The following PDE8A variants were observed in gnomAD, a reference collection of about 807,000 sequenced individuals.
PDE8A encodes the protein high affinity cAMP-specific and IBMX-insensitive 3',5'-cyclic phosphodiesterase 8A.
Under a neutral mutation model 105.0 loss-of-function variants are expected in PDE8A, and 59 were observed. The observed-to-expected ratio is 0.56, with a 90% CI of 0.46 to 0.70. The LOEUF (loss-of-function observed/expected upper bound fraction) is 0.70, where lower values mean the gene tolerates loss of function less well. Ranked by LOEUF, PDE8A falls within the 30% of genes least tolerant of loss-of-function variation. The pLI, the probability that PDE8A is intolerant of heterozygous loss-of-function variation, is 0.00. For synonymous variants in PDE8A, 355 were observed against 371.9 expected (o/e 0.95, Z 0.52); for missense variants, 1,014 against 1,045.9 (o/e 0.97, Z 0.42).
upstream of PDE8A, among the ~76,000 whole-genome samples, chr15:84,981,597 C>T (rs1057226447): frequency 1.3e-5 from 2 of 152,010 alleles, no homozygotes; most frequent in African/African-American, 4.8e-5. Flanking sequence ...TGTACCCCAC[C>T]GGCACTCGGC....
intron 11 of PDE8A, among the ~76,000 whole-genome samples, chr15:85,104,369 C>T (rs1450293935): frequency 6.6e-6 from 1 of 152,098 alleles, no homozygotes; most frequent in African/African-American, 2.4e-5. Flanking sequence ...ATAAAGGCAT[C>T]GCGAAGCGAG....
At chr15:85,009,035 A>C (rs1166378913) in intron 1 of PDE8A, among the ~76,000 whole-genome samples, 1 of 151,748 alleles carries the variant, frequency 6.6e-6, no homozygotes, top group Non-Finnish European at 1.5e-5. Context: ...AAAAGAAGGA[A>C]GTGTCCTTCA....
At chr15:85,013,849 A>G (rs2080279501) in intron 1 of PDE8A, among the ~76,000 whole-genome samples, 1 of 152,128 alleles carries the variant, frequency 6.6e-6, no homozygotes, top group African/African-American at 2.4e-5. Context: ...CTTCACTCAT[A>G]TGATTGGCCA....
In PDE8A at chr15:85,136,610, C is replaced by A. The variant is rs772648246; in HGVS notation, c.2330C>A (p.Ser777Tyr). 1 of 1,613,858 alleles carries A rather than the reference C, an allele frequency of 6.2e-7. No homozygotes were observed. The highest frequency in any genetic ancestry group is 1.1e-5 in the South Asian group (1 of 91,072). The change falls in exon 21 of 22, where the codon TCC (serine) becomes TAC (tyrosine). Residue 777 changes from serine to tyrosine, a missense_variant. By Grantham distance (144) the Ser-to-Tyr change is moderately radical. Transcript: ENST00000394553. ...FDRNTCSIPKSQISFIDYFIT... is the reference protein window; with the variant it reads ...FDRNTCSIPKYQISFIDYFIT... ...AGAAATACCTGCAGCATCCCCAAAT[C>A]CCAAATCTCTTTCATTGATTACTTC...
At chr15:84,997,787 G>A (rs1424321146) in intron 1 of PDE8A, among the ~76,000 whole-genome samples, 2 of 152,008 alleles carry the variant, frequency 1.3e-5, no homozygotes, top group Admixed American at 6.6e-5. Context: ...TAGAGACGGG[G>A]TTTCTCCATG....
At chr15:85,056,251 T>A (rs937355401) in intron 1 of PDE8A, among the ~76,000 whole-genome samples, 8 of 152,208 alleles carry the variant, frequency 5.3e-5, no homozygotes, top group African/African-American at 1.9e-4. Context: ...ATTTTTTCCT[T>A]CATTTCAACT....
At chr15:85,077,816 A>G (rs923430262) in intron 5 of PDE8A, among the ~76,000 whole-genome samples, 1 of 152,216 alleles carries the variant, frequency 6.6e-6, no homozygotes, top group Admixed American at 6.5e-5. Flanking sequence ...GGCATAGCAA[A>G]TTTTATGAGG....
At chr15:85,074,440 G>A (rs1038599685) in intron 3 of PDE8A, among the ~76,000 whole-genome samples, 7 of 152,240 alleles carry the variant, frequency 4.6e-5, no homozygotes, top group African/African-American at 1.4e-4. Flanking sequence ...GCTGGCTCAC[G>A]CCTGTAATCC....
At chr15:85,054,667 T>C (rs2081031733) in intron 1 of PDE8A, among the ~76,000 whole-genome samples, 1 of 152,162 alleles carries the variant, frequency 6.6e-6, no homozygotes, top group Non-Finnish European at 1.5e-5. Flanking sequence ...TTATATTCCC[T>C]TCATCATTTT....
At chr15:85,102,707 C>T (rs1274751311) in intron 11 of PDE8A, among the ~76,000 whole-genome samples, 4 of 151,652 alleles carry the variant, frequency 2.6e-5, no homozygotes, top group Non-Finnish European at 4.4e-5. Flanking sequence ...GGCGTCGTGG[C>T]GCATGCCTGT....
intron 8 of PDE8A, among the ~76,000 whole-genome samples, chr15:85,095,152 T>G (rs999388544): frequency 2.6e-4 from 39 of 152,068 alleles, no homozygotes; most frequent in African/African-American, 9.4e-4. Flanking sequence ...GGTAATAGTC[T>G]TACTCCTGTT....
intron 3 of PDE8A, among the ~76,000 whole-genome samples, chr15:85,068,648 TG>T (rs112766139): frequency 0.088 from 13,437 of 152,132 alleles, 1,645 homozygotes; most frequent in African/African-American, 0.28. Context: ...CATGGTGGAA[TG>T]TTGCAAGGCA....
At position 85,138,041 on chromosome 15, in the gene PDE8A, A is replaced by T. The variant is rs2082440737; in HGVS notation, c.*138A>T. 1.7e-6 allele frequency: 1 copy of T among 586,474 alleles called. No homozygotes were observed. The allele number at this position is 586,474 out of a possible 1,614,324, so 36.3% of individuals were successfully genotyped here. On this transcript the variant is annotated 3_prime_UTR_variant, in exon 22 of 22. Transcript: ENST00000394553. ...GCATAGCCTGTGAAAGCCCACGGGGACATCAGTAACCTTCTGCAGCCACCA... is the reference window on the plus strand; with the variant it reads ...GCATAGCCTGTGAAAGCCCACGGGGTCATCAGTAACCTTCTGCAGCCACCA...
In PDE8A at chr15:85,067,164, C is replaced by T. The variant is rs899205004; in HGVS notation, c.394C>T (p.His132Tyr). The T allele has an allele frequency of 5.0e-6, 8 of 1,613,888 alleles. No individual in the cohort carries two copies. The highest frequency in any genetic ancestry group is 6.8e-6 in the Non-Finnish European group (8 of 1,179,910). Reference protein sequence around the residue: ...DKHHDIIIIDHRNPRQLDAEA... With the variant: ...DKHHDIIIIDYRNPRQLDAEA... Reference sequence around the variant, plus strand: ...ACATCATGACATTATCATCATAGACCACAGAAATCCTCGACAGCTGGATGC... The same window carrying T: ...ACATCATGACATTATCATCATAGACTACAGAAATCCTCGACAGCTGGATGC... The change falls in exon 3 of 22, where the codon CAC (histidine) becomes TAC (tyrosine). Residue 132 changes from histidine to tyrosine, a missense_variant. Physicochemically the swap from His to Tyr is moderately conservative, Grantham distance 83. Transcript: ENST00000394553.
chr15:85,119,986 A>G (rs1335906323), intron 17 of PDE8A, among the ~76,000 whole-genome samples: 1 of 152,160 alleles, frequency 6.6e-6, no homozygotes, highest in Non-Finnish European at 1.5e-5. Flanking sequence ...AAAATAGGTG[A>G]AGTTCTAGCC....
At chr15:84,983,050 T>A (rs1172632146) in intron 1 of PDE8A, among the ~76,000 whole-genome samples, 1 of 152,230 alleles carries the variant, frequency 6.6e-6, no homozygotes, top group Admixed American at 6.5e-5. Context: ...GGTTTTTTGT[T>A]TTTTTACATT....
At chr15:85,128,469 C>T (rs1476450231) in intron 20 of PDE8A, among the ~76,000 whole-genome samples, 1 of 152,078 alleles carries the variant, frequency 6.6e-6, no homozygotes, top group Non-Finnish European at 1.5e-5. Context: ...GCACTCCAAC[C>T]TGGGTGACAG....
intron 1 of PDE8A, among the ~76,000 whole-genome samples, chr15:85,017,969 A>G (rs1468722634): frequency 1.3e-5 from 2 of 151,110 alleles, no homozygotes; most frequent in Non-Finnish European, 3.0e-5. Flanking sequence ...TATGGATGAG[A>G]TATGCCCAGG....
At chr15:85,025,157 A>G (rs1450921975) in intron 1 of PDE8A, among the ~76,000 whole-genome samples, 1 of 152,170 alleles carries the variant, frequency 6.6e-6, no homozygotes, top group Non-Finnish European at 1.5e-5. Context: ...TCCTAAGGCC[A>G]CCATAAGTCC....
Sources: allele counts gnomAD v4.1 joint callset (sites outside exome capture counted in the v4.1 genomes callset), GRCh38; gene constraint gnomAD v4.1.1; transcripts MANE v1.5; gene names NCBI Gene and HGNC (gene_info 2026-07-23, HGNC 2026-07-21).